PCDH15: variants seen among roughly 807,000 people sequenced by gnomAD.
The protein encoded by PCDH15 is protocadherin related 15, also known as protocadherin-15.
PCDH15 carries 129 observed loss-of-function variants against 178.5 expected under a neutral mutation model. The ratio of observed to expected loss-of-function variants is 0.72; its 90% CI spans 0.63 to 0.84. The LOEUF (loss-of-function observed/expected upper bound fraction) is 0.84, where lower values mean the gene tolerates loss of function less well. Ranked by LOEUF, PCDH15 falls within the 40% of genes least tolerant of loss-of-function variation. PCDH15 has a pLI of 0.00. For missense variants in PCDH15, 2,230 were observed against 2,099.9 expected, an observed-to-expected ratio of 1.06 and a Z score of -1.21; for synonymous variants, 800 against 732.0, an observed-to-expected ratio of 1.09 and a Z score of -1.50.
chr10:55,044,661 T>C (rs925377236), intron 2 of PCDH15, among the ~76,000 whole-genome samples: 1 of 152,152 alleles, frequency 6.6e-6, no homozygotes, highest in Admixed American at 6.6e-5. Flanking sequence ...AACTTAATTA[T>C]GTACTATATG....
intron 35 of PCDH15, among the ~76,000 whole-genome samples, chr10:53,813,124 T>G (rs1416015564): frequency 6.6e-6 from 1 of 152,214 alleles, no homozygotes; most frequent in Admixed American, 6.5e-5. Flanking sequence ...ATCATATTTT[T>G]ACATTCCAAT....
At chr10:53,991,672 C>T (rs1342450821) in intron 21 of PCDH15, among the ~76,000 whole-genome samples, 2 of 151,966 alleles carry the variant, frequency 1.3e-5, no homozygotes, top group African/African-American at 2.4e-5. Flanking sequence ...CTGTGTCTAG[C>T]TCAAGGTTTG....
chr10:55,556,154 A>G (rs1842087556), intron 2 of PCDH15, among the ~76,000 whole-genome samples: 1 of 151,978 alleles, frequency 6.6e-6, no homozygotes, highest in African/African-American at 2.4e-5. Context: ...TAATTTATTT[A>G]TTGGCCTAGT....
chr10:54,638,856 T>TA (rs1178205732), intron 2 of PCDH15, among the ~76,000 whole-genome samples: 16 of 151,886 alleles, frequency 1.1e-4, no homozygotes, highest in Non-Finnish European at 5.9e-5. Flanking sequence ...CGCTCAGCTA[T>TA]AAAAAATAAC....
At chr10:54,613,553 A>G (rs906331164) in intron 2 of PCDH15, among the ~76,000 whole-genome samples, 25 of 151,480 alleles carry the variant, frequency 1.7e-4, no homozygotes, top group African/African-American at 5.6e-4. Context: ...GCACAAGGTA[A>G]TTGAGGCTAG....
intron 2 of PCDH15, among the ~76,000 whole-genome samples, chr10:54,940,895 A>C (rs766127053): frequency 6.6e-6 from 1 of 151,940 alleles, no homozygotes; most frequent in African/African-American, 2.4e-5. Flanking sequence ...TTTTCCACCT[A>C]TTTGAATCTT....
At chr10:54,119,323 A>C in intron 15 of PCDH15, among the ~76,000 whole-genome samples, 1 of 152,178 alleles carries the variant, frequency 6.6e-6, no homozygotes, top group East Asian at 1.9e-4. Flanking sequence ...CTGGAATCAA[A>C]AAAACTCTTG....
intron 1 of PCDH15, among the ~76,000 whole-genome samples, chr10:55,309,258 T>C (rs1229289054): frequency 6.6e-6 from 1 of 152,186 alleles, no homozygotes; most frequent in African/African-American, 2.4e-5. Context: ...CTTACACCTG[T>C]AATCCCTGCA....
chr10:53,956,690 A>G (rs113530478), intron 23 of PCDH15, among the ~76,000 whole-genome samples: 3 of 152,252 alleles, frequency 2.0e-5, no homozygotes, highest in African/African-American at 7.2e-5. Flanking sequence ...AAGATTACCA[A>G]ATTCTCTTTA....
intron 1 of PCDH15, among the ~76,000 whole-genome samples, chr10:54,719,468 G>A (rs2095519163): frequency 6.6e-6 from 1 of 151,874 alleles, no homozygotes; most frequent in African/African-American, 2.4e-5. Flanking sequence ...AACTCCCATG[G>A]GATTGTCTTT....
At chr10:55,471,111 G>T (rs975468802) in intron 2 of PCDH15, among the ~76,000 whole-genome samples, 2 of 152,098 alleles carry the variant, frequency 1.3e-5, no homozygotes, top group African/African-American at 4.8e-5. Flanking sequence ...TATGAATAAT[G>T]CTGCTTAAAC....
At chr10:53,849,598 C>G (rs955749230) in intron 28 of PCDH15, among the ~76,000 whole-genome samples, 12 of 152,104 alleles carry the variant, frequency 7.9e-5, no homozygotes, top group Non-Finnish European at 1.8e-4. Flanking sequence ...GACGCGGTGG[C>G]TCATGCCTGT....
intron 26 of PCDH15, among the ~76,000 whole-genome samples, chr10:53,897,981 T>TTTTG (rs2082071463): frequency 1.4e-5 from 1 of 72,662 alleles, no homozygotes; most frequent in African/African-American, 4.4e-5. Context: ...TTTTTTTTTT[T>TTTTG]TTTGAGACAG....
chr10:53,869,270 A>C (rs1183374375), intron 26 of PCDH15, among the ~76,000 whole-genome samples: 2 of 152,214 alleles, frequency 1.3e-5, no homozygotes, highest in African/African-American at 4.8e-5. Flanking sequence ...GAAAATGAAC[A>C]AAGAAAGAAA....
intron 3 of PCDH15, among the ~76,000 whole-genome samples, chr10:54,852,695 A>G (rs897181502): frequency 6.6e-6 from 1 of 151,574 alleles, no homozygotes; most frequent in Non-Finnish European, 1.5e-5. Flanking sequence ...TACTAGAAAT[A>G]CAAAAAAATT....
Position 55,199,107 on chromosome 10 carries a change from G to T in PCDH15, c.-155-32456C>A, listed in dbSNP as rs149234669. The stretch of plus-strand genomic sequence containing the variant: ...GGAACTGTGTAATGGGCAGAGGTTG[G>T]CATAGCTGGGGGGCTCAGAAGAAGA... On this transcript the variant is annotated intron_variant, in intron 1 of 5. Transcript: ENST00000458638. Among the ~76,000 whole-genome samples the T allele has an allele frequency of 6.9e-3, 1,048 of 152,198 alleles. 20 individuals carry two copies. Among genetic ancestry groups the T allele is most frequent in the African/African-American group, 0.024 (1,009 of 41,468 alleles).
intron 2 of PCDH15, among the ~76,000 whole-genome samples, chr10:55,536,531 T>A (rs1841581680): frequency 6.6e-6 from 1 of 152,138 alleles, no homozygotes; most frequent in Non-Finnish European, 1.5e-5. Flanking sequence ...TTCCTCGGCA[T>A]TTTTCTTAAC....
intron 2 of PCDH15, among the ~76,000 whole-genome samples, chr10:55,558,687 T>C (rs1315889447): frequency 6.6e-6 from 1 of 152,088 alleles, no homozygotes; most frequent in Non-Finnish European, 1.5e-5. Context: ...TTGCCATAAA[T>C]TTGTTTTAAA....
intron 1 of PCDH15, among the ~76,000 whole-genome samples, chr10:54,686,028 A>C (rs1289103877): frequency 6.7e-6 from 1 of 149,164 alleles, no homozygotes; most frequent in East Asian, 2.0e-4. Context: ...AATCCAAGGG[A>C]GCAAGACAGC....
Sources: allele counts gnomAD v4.1 joint callset (sites outside exome capture counted in the v4.1 genomes callset), GRCh38; gene constraint gnomAD v4.1.1; transcripts MANE v1.5; gene names NCBI Gene and HGNC (gene_info 2026-07-23, HGNC 2026-07-21).